The following MAGI1 variants were observed in gnomAD, a reference collection of about 807,000 sequenced individuals.
MAGI1 encodes the protein membrane associated guanylate kinase, WW and PDZ domain containing 1.
A neutral mutation model predicts 139.9 loss-of-function variants in MAGI1; 58 were observed. The ratio of observed to expected loss-of-function variants is 0.41; its 90% CI spans 0.34 to 0.52. The LOEUF is 0.52. Among genes scored for constraint, MAGI1 ranks in the 20% least tolerant of loss-of-function variants. The pLI is 0.12. For synonymous variants in MAGI1, 812 were observed against 737.9 expected, an observed-to-expected ratio of 1.10 and a Z score of -1.63; for missense variants, 1,874 against 1,901.6, an observed-to-expected ratio of 0.99 and a Z score of 0.27.
intron 2 of MAGI1, among the ~76,000 whole-genome samples, chr3:65,573,732 C>T (rs1378566829): frequency 6.6e-6 from 1 of 152,006 alleles, no homozygotes; most frequent in African/African-American, 2.4e-5. Flanking sequence ...GAGGCTATAG[C>T]CAGTGCAATA....
At chr3:65,438,980 T>G (rs1050708684) in intron 9 of MAGI1, among the ~76,000 whole-genome samples, 18 of 152,234 alleles carry the variant, frequency 1.2e-4, no homozygotes, top group African/African-American at 4.3e-4. Context: ...TGGTTTACAT[T>G]TGTTATATTC....
At chr3:65,842,868 T>C (rs2058854906) in intron 1 of MAGI1, among the ~76,000 whole-genome samples, 1 of 152,204 alleles carries the variant, frequency 6.6e-6, no homozygotes, top group South Asian at 2.1e-4. Flanking sequence ...TACTTACTCT[T>C]AGACTGTGGA....
At chr3:65,844,947 C>T (rs746404354) in intron 1 of MAGI1, among the ~76,000 whole-genome samples, 23 of 152,152 alleles carry the variant, frequency 1.5e-4, no homozygotes, top group Non-Finnish European at 2.6e-4. Context: ...AGTATTTCCT[C>T]TGCCCATTGA....
chr3:65,918,370 C>T (rs1354808725), intron 1 of MAGI1, among the ~76,000 whole-genome samples: 1 of 145,572 alleles, frequency 6.9e-6, no homozygotes, highest in Non-Finnish European at 1.5e-5. Flanking sequence ...TATACTCTTG[C>T]TCCAAAACAT....
At chr3:65,982,428 C>T (rs2065634010) in intron 1 of MAGI1, among the ~76,000 whole-genome samples, 1 of 152,188 alleles carries the variant, frequency 6.6e-6, no homozygotes, top group East Asian at 1.9e-4. Flanking sequence ...CAGGGAAATG[C>T]TTCATGCCAT....
intron 1 of MAGI1, among the ~76,000 whole-genome samples, chr3:65,667,823 CA>C (rs1379367111): frequency 6.6e-6 from 1 of 152,120 alleles, no homozygotes; most frequent in Non-Finnish European, 1.5e-5. Flanking sequence ...CTTGGCCTCC[CA>C]AAGTGCTGGG....
chr3:65,645,896 G>C (rs1200030685), intron 1 of MAGI1, among the ~76,000 whole-genome samples: 2 of 150,770 alleles, frequency 1.3e-5, no homozygotes, highest in Non-Finnish European at 3.0e-5. Context: ...TACTAAAAAG[G>C]CTAAAAAGAG....
At chr3:65,765,738 C>T (rs1036334802) in intron 1 of MAGI1, among the ~76,000 whole-genome samples, 1 of 152,044 alleles carries the variant, frequency 6.6e-6, no homozygotes, top group East Asian at 1.9e-4. Flanking sequence ...GTGATTCCTT[C>T]CCCATGAAAT....
chr3:65,844,667 C>A (rs2058923536), intron 1 of MAGI1, among the ~76,000 whole-genome samples: 1 of 152,048 alleles, frequency 6.6e-6, no homozygotes. Context: ...GAACAGGGGT[C>A]CAGAGAAGCA....
intron 10 of MAGI1, among the ~76,000 whole-genome samples, chr3:65,433,018 G>T (rs561257229): frequency 6.6e-6 from 1 of 152,000 alleles, no homozygotes; most frequent in East Asian, 1.9e-4. Flanking sequence ...TATTGCTTTG[G>T]TTTTCTTACT....
intron 2 of MAGI1, among the ~76,000 whole-genome samples, chr3:65,550,606 A>T (rs2079775661): frequency 6.6e-6 from 1 of 152,120 alleles, no homozygotes; most frequent in Non-Finnish European, 1.5e-5. Context: ...GGAAACAATC[A>T]ATTTGACTAA....
chr3:65,458,149 A>T (rs1201190268), intron 5 of MAGI1, among the ~76,000 whole-genome samples: 1 of 152,114 alleles, frequency 6.6e-6, no homozygotes, highest in African/African-American at 2.4e-5. Flanking sequence ...TTTATGGCAG[A>T]ACAGTACTTC....
At chr3:65,706,372 C>T (rs1028119147) in intron 1 of MAGI1, among the ~76,000 whole-genome samples, 5 of 152,176 alleles carry the variant, frequency 3.3e-5, no homozygotes, top group African/African-American at 1.2e-4. Flanking sequence ...AGCAACTATT[C>T]CAGAAAGACT....
intron 1 of MAGI1, among the ~76,000 whole-genome samples, chr3:66,031,152 C>A (rs1221904021): frequency 6.6e-6 from 1 of 152,212 alleles, no homozygotes; most frequent in African/African-American, 2.4e-5. Context: ...GGCAGGCATG[C>A]AGTAACCTAC....
rs1946986434 is a variant in MAGI1, at chr3:65,425,611, T to C, written c.2167+3909A>G. Among the ~76,000 whole-genome samples the C allele has an allele frequency of 2.0e-5, 3 of 152,190 alleles. No homozygotes were observed. In the South Asian group the frequency reaches 6.2e-4, roughly 32 times the overall value. ...TTACGGGCAGAGTTTGTACTCAAGG[T>C]CAGCTCCTGGTATCCCAAGTTCAGT... On this transcript the variant is annotated intron_variant, in intron 12 of 22. Coordinates refer to ENST00000402939, the MANE Select transcript of MAGI1 (RefSeq NM_001033057.2).
chr3:65,447,205 C>T (rs1247814262), intron 7 of MAGI1, among the ~76,000 whole-genome samples: 1 of 152,172 alleles, frequency 6.6e-6, no homozygotes, highest in Non-Finnish European at 1.5e-5. Flanking sequence ...TTATGCTTTC[C>T]TATGTATCCA....
chr3:65,781,897 C>T (rs553069437), intron 1 of MAGI1, among the ~76,000 whole-genome samples: 5 of 151,936 alleles, frequency 3.3e-5, no homozygotes, highest in Non-Finnish European at 7.4e-5. Flanking sequence ...ACTGGGGAAC[C>T]CCCCCTCACT....
intron 5 of MAGI1, among the ~76,000 whole-genome samples, chr3:65,468,250 T>C (rs2107570172): frequency 6.6e-6 from 1 of 152,260 alleles, no homozygotes; most frequent in Middle Eastern, 3.4e-3. Context: ...AAAGCATTTG[T>C]CATTAACATG....
intron 2 of MAGI1, among the ~76,000 whole-genome samples, chr3:65,611,345 T>A (rs1177252023): frequency 7.0e-6 from 1 of 143,352 alleles, no homozygotes; most frequent in Non-Finnish European, 1.5e-5. Context: ...ACATATACTA[T>A]ATAGAGTATA....
Sources: gnomAD v4.1 joint callset for allele counts (sites outside exome capture counted in the v4.1 genomes callset) on GRCh38, gnomAD v4.1.1 for gene constraint, MANE v1.5 for transcripts, NCBI Gene and HGNC (gene_info 2026-07-23, HGNC 2026-07-21) for gene names.